Variants in AP3B2 observed in about 807,000 individuals in gnomAD.
The protein encoded by AP3B2 is adaptor related protein complex 3 subunit beta 2.
A neutral mutation model predicts 126.9 loss-of-function variants in AP3B2; 50 were observed. The ratio of observed to expected loss-of-function variants is 0.39; its 90% CI spans 0.31 to 0.50. The LOEUF (loss-of-function observed/expected upper bound fraction) is 0.50, where lower values mean the gene tolerates loss of function less well. Ranked by LOEUF, AP3B2 falls within the 20% of genes least tolerant of loss-of-function variation. AP3B2 has a pLI of 0.79. For missense variants in AP3B2, 1,177 were observed against 1,426.4 expected (o/e 0.83, Z 2.82); for synonymous variants, 541 against 565.0 (o/e 0.96, Z 0.60).
chr15:82,706,982 C>T (rs770034321), intron 1 of AP3B2, among the ~76,000 whole-genome samples: 2 of 152,132 alleles, frequency 1.3e-5, no homozygotes. Context: ...AACTAAAATA[C>T]GTCTTGGTCT....
intron 14 of AP3B2, among the ~76,000 whole-genome samples, chr15:82,675,659 T>C (rs1467575289): frequency 6.6e-6 from 1 of 152,214 alleles, no homozygotes; most frequent in Non-Finnish European, 1.5e-5. Flanking sequence ...CCTGCTGTTG[T>C]AGCACAAAAG....
chr15:82,680,453 G>A lies in AP3B2; in HGVS notation c.1055+19C>T. ...GGGCAGGAGGCGAGGGAGGGGGCGGGGCTGGGGGCGGAGCGCACCTGTGGC... is the reference window on the plus strand; with the variant it reads ...GGGCAGGAGGCGAGGGAGGGGGCGGAGCTGGGGGCGGAGCGCACCTGTGGC... On this transcript the variant is annotated intron_variant, in intron 8 of 26. Transcript: ENST00000535359. The surrounding 1 kb of genome is among the most constrained non-coding windows in gnomAD (Gnocchi z 6.1). 6.8e-7 allele frequency: 1 copy of A among 1,468,074 alleles called. No homozygotes were observed. Among genetic ancestry groups the A allele is most frequent in the East Asian group, 2.6e-5 (1 of 39,112 alleles). The allele number at this position is 1,468,074 out of a possible 1,614,324, so 90.9% of individuals were successfully genotyped here.
chr15:82,676,055 G>A (rs1452847518), intron 14 of AP3B2, among the ~76,000 whole-genome samples: 1 of 152,066 alleles, frequency 6.6e-6, no homozygotes, highest in Non-Finnish European at 1.5e-5. Context: ...CCTTATCTTT[G>A]GCACAGACTG....
chr15:82,706,455 T>C (rs554518840), intron 1 of AP3B2, among the ~76,000 whole-genome samples: 12 of 152,298 alleles, frequency 7.9e-5, no homozygotes, highest in Admixed American at 7.2e-4. Flanking sequence ...CAAGGCCGCT[T>C]TACTTCCAAA....
At chr15:82,661,500 T>C (rs910842316) in intron 25 of AP3B2, among the ~76,000 whole-genome samples, 1 of 152,220 alleles carries the variant, frequency 6.6e-6, no homozygotes, top group African/African-American at 2.4e-5. Flanking sequence ...AAAAGATTAA[T>C]ATTTCATGAC....
At chr15:82,672,954 G>T (rs186756766) in intron 14 of AP3B2, among the ~76,000 whole-genome samples, 1 of 152,298 alleles carries the variant, frequency 6.6e-6, no homozygotes, top group Admixed American at 6.5e-5. Context: ...CAAGGAAGTG[G>T]ATCGTGGCAC....
chr15:82,661,943 C>T (rs746651383), intron 24 of AP3B2, 21 bp from the exon 25 acceptor site: 30 of 1,602,832 alleles, frequency 1.9e-5, no homozygotes, highest in Middle Eastern at 3.4e-4. Context: ...TGGGAGGAAA[C>T]GGAGAAGAAT....
In AP3B2 at chr15:82,663,614, T is replaced by C. The variant is rs1436598540; in HGVS notation, c.2443A>G (p.Ser815Gly). Residue 815 changes from serine (S) to glycine (G), a missense_variant, in exon 21 of 27, where the codon AGC becomes GGC. Ser to Gly is a moderately conservative substitution (Grantham distance 56). Transcript: ENST00000535359. ...PASWSRKTPP[S>G]SKSAPATKEI... ...TTGGTTGCAGGAGCACTTTTGCTGC[T>C]GGGAGGCTGAAAGAGAAAAATGGGA... 6.2e-7 allele frequency: 1 copy of C among 1,613,908 alleles called. No homozygotes were observed. Among genetic ancestry groups the C allele is most frequent in the East Asian group, 2.2e-5 (1 of 44,868 alleles).
At position 82,680,837 on chromosome 15, in the gene AP3B2, G is replaced by A; in HGVS notation, c.771C>T (p.Asn257=). 4 of 1,613,566 alleles carry A rather than the reference G, an allele frequency of 2.5e-6. No individual in the cohort carries two copies. The highest frequency in any genetic ancestry group is 2.5e-6 in the Non-Finnish European group (3 of 1,179,690). ...CTCTGCCTGGGCTGGGCCCACTTAC[G>A]TTCTGGGTGGGGCTCAGGAACTGCG... is the stretch of plus-strand genomic sequence containing the variant. ...ARTQFLSPTQ[N]ESLLEENAEK... is the part of the protein sequence containing the mutation. Residue 257 remains asparagine (N), a splice_region_variant and synonymous_variant, in exon 7 of 27, where the codon AAC becomes AAT. Coordinates refer to ENST00000535359, the MANE Select transcript of AP3B2 (RefSeq NM_001278512.2). This position sits in a 1 kb window ranked among gnomAD's most constrained non-coding sequence, Gnocchi z 6.1.
At chr15:82,698,432 C>T (rs2048664019) in intron 1 of AP3B2, among the ~76,000 whole-genome samples, 1 of 151,720 alleles carries the variant, frequency 6.6e-6, no homozygotes, top group African/African-American at 2.4e-5. Flanking sequence ...TATCACAAGA[C>T]CTCTCCCCGC....
intron 25 of AP3B2, among the ~76,000 whole-genome samples, 157 bp from the exon 26 acceptor site, chr15:82,660,140 C>T (rs1032180168): frequency 2.0e-5 from 3 of 152,134 alleles, no homozygotes; most frequent in Non-Finnish European, 2.9e-5. Flanking sequence ...GAAGGTACTT[C>T]CCTCTCAGAC....
At chr15:82,670,092 ATCAGT>A (rs2048127252) in intron 14 of AP3B2, among the ~76,000 whole-genome samples, 1 of 116,952 alleles carries the variant, frequency 8.6e-6, no homozygotes, top group Non-Finnish European at 1.7e-5. Flanking sequence ...AAAAAAAAAA[ATCAGT>A]GGCTTTTTTT....
rs373464868 is a variant in AP3B2 at position 82,677,986 on chromosome 15, G to A, written c.1245+119C>T. On this transcript the variant is annotated intron_variant, in intron 11 of 26. Coordinates refer to ENST00000535359, the MANE Select transcript of AP3B2 (RefSeq NM_001278512.2). Reference sequence around the variant, plus strand: ...CAAAGCCAGCCAAACACATTGGAACGGGAATGTAAGATAATAGTTTCTCCA... The same window carrying A: ...CAAAGCCAGCCAAACACATTGGAACAGGAATGTAAGATAATAGTTTCTCCA... The A allele has an allele frequency of 7.1e-5, 99 of 1,387,466 alleles. No homozygotes were observed. In the East Asian group the frequency reaches 1.6e-3, roughly 23 times the overall value. 85.9% of individuals were successfully genotyped at this position (1,387,466 alleles called of 1,614,324 possible).
Position 82,659,488 on chromosome 15 carries a change from TGAGA to T in AP3B2, c.*68_*71del. On this transcript the variant is annotated 3_prime_UTR_variant, in exon 27 of 27. Coordinates refer to ENST00000535359, the MANE Select transcript of AP3B2 (RefSeq NM_001278512.2). ...GGATGATGAGAGAGAGAGAGAAAGATGAGAGAGACTGACAGCCTAGGTGTCATGG... is the reference window on the plus strand; with the variant it reads ...GGATGATGAGAGAGAGAGAGAAAGATGAGACTGACAGCCTAGGTGTCATGG... The T allele has an allele frequency of 6.4e-7, 1 of 1,561,508 alleles. No homozygotes were observed. The highest frequency in any genetic ancestry group is 8.7e-7 in the Non-Finnish European group (1 of 1,143,528).
At chr15:82,668,434 AC>A (rs2048094125) in intron 14 of AP3B2, among the ~76,000 whole-genome samples, 2 of 152,200 alleles carry the variant, frequency 1.3e-5, no homozygotes, top group Admixed American at 6.5e-5. Context: ...GCCCTTACCA[AC>A]ATAGTCAATT....
chr15:82,688,091 G>A (rs2048462262), intron 4 of AP3B2: 1 of 213,834 alleles, frequency 4.7e-6, no homozygotes, highest in African/African-American at 2.3e-5. Context: ...GCAACACAGT[G>A]AGAACCTGTC....
At chr15:82,698,859 G>A (rs1009305075) in intron 1 of AP3B2, among the ~76,000 whole-genome samples, 20 of 152,142 alleles carry the variant, frequency 1.3e-4, no homozygotes, top group African/African-American at 3.9e-4. Context: ...AGGAGAAGGG[G>A]AATGAAAGGG....
intron 1 of AP3B2, among the ~76,000 whole-genome samples, chr15:82,709,015 C>G (rs2048837704): frequency 6.6e-6 from 1 of 151,998 alleles, no homozygotes; most frequent in African/African-American, 2.4e-5. Flanking sequence ...AAGAAACAAA[C>G]GAACGAATCA....
chr15:82,662,086 G>A, intron 24 of AP3B2, 82 bp downstream of exon 24: 1 of 1,404,484 alleles, frequency 7.1e-7, no homozygotes, highest in Non-Finnish European at 9.9e-7. Flanking sequence ...TCCCCACTAA[G>A]CACCACCTCC....
Sources: gnomAD v4.1 joint callset for allele counts (sites outside exome capture counted in the v4.1 genomes callset) on GRCh38, gnomAD v4.1.1 for gene constraint, Gnocchi (gnomAD v3.1) non-coding constraint, MANE v1.5 for transcripts, NCBI Gene and HGNC (gene_info 2026-07-23, HGNC 2026-07-21) for gene names.